ARHGAP26: variants seen among roughly 807,000 people sequenced by gnomAD.
ARHGAP26 encodes Rho GTPase activating protein 26, also known as rho GTPase-activating protein 26.
ARHGAP26 carries 38 observed loss-of-function variants against 104.8 expected under a neutral mutation model. The ratio of observed to expected loss-of-function variants is 0.36; its 90% CI spans 0.28 to 0.48. The LOEUF (loss-of-function observed/expected upper bound fraction) is 0.48, where lower values mean the gene tolerates loss of function less well. ARHGAP26 is among the 20% of genes least tolerant of loss of function. ARHGAP26 has a pLI of 0.99. For missense variants in ARHGAP26, 704 were observed against 947.9 expected, an observed-to-expected ratio of 0.74 and a Z score of 3.38; for synonymous variants, 341 against 340.0, an observed-to-expected ratio of 1.00 and a Z score of -0.03.
chr5:142,899,202 T>A (rs1037994145), intron 6 of ARHGAP26, among the ~76,000 whole-genome samples: 1 of 152,204 alleles, frequency 6.6e-6, no homozygotes, highest in African/African-American at 2.4e-5. Flanking sequence ...TGATTACCCA[T>A]GTAAAGACCC....
At chr5:142,995,689 T>A (rs1776272782) in intron 11 of ARHGAP26, among the ~76,000 whole-genome samples, 1 of 152,196 alleles carries the variant, frequency 6.6e-6, no homozygotes, top group South Asian at 2.1e-4. Context: ...TACAAATCAT[T>A]CTACTATAAA....
intron 3 of ARHGAP26, among the ~76,000 whole-genome samples, chr5:142,876,398 T>C (rs906038694): frequency 2.6e-5 from 4 of 152,114 alleles, no homozygotes; most frequent in Admixed American, 2.6e-4. Flanking sequence ...TTTACAGAGG[T>C]TAAGTAACTT....
At chr5:143,186,685 T>C (rs563271126) in intron 20 of ARHGAP26, among the ~76,000 whole-genome samples, 2 of 152,328 alleles carry the variant, frequency 1.3e-5, no homozygotes, top group African/African-American at 4.8e-5. Context: ...GGTAATTTGA[T>C]ACCTGTGGAC....
chr5:143,007,988 T>C (rs925784082), intron 11 of ARHGAP26, among the ~76,000 whole-genome samples: 7 of 152,340 alleles, frequency 4.6e-5, no homozygotes, highest in Admixed American at 4.6e-4. Context: ...CCTTAGCCAT[T>C]TATCCCATAG....
intron 17 of ARHGAP26, among the ~76,000 whole-genome samples, chr5:143,060,842 C>A (rs1412795849): frequency 2.6e-5 from 4 of 151,794 alleles, no homozygotes; most frequent in Admixed American, 6.6e-5. Flanking sequence ...GAGAATGGGC[C>A]ATATGCAAGG....
chr5:143,057,858 G>A, intron 17 of ARHGAP26, 111 bp downstream of exon 17: 1 of 897,002 alleles, frequency 1.1e-6, no homozygotes. Context: ...ATTGCATCAG[G>A]TATGCTGGAG....
At chr5:142,872,289 T>C (rs1755432674) in intron 1 of ARHGAP26, among the ~76,000 whole-genome samples, 1 of 152,186 alleles carries the variant, frequency 6.6e-6, no homozygotes, top group Non-Finnish European at 1.5e-5. Context: ...TCACGGATGC[T>C]TTTATTCTAG....
chr5:143,110,757 A>C (rs1018538718), intron 17 of ARHGAP26, among the ~76,000 whole-genome samples: 1 of 152,244 alleles, frequency 6.6e-6, no homozygotes, highest in Non-Finnish European at 1.5e-5. Context: ...GTAATTTTCC[A>C]GGAAGAAAGG....
chr5:143,117,428 T>A (rs1232559525), intron 17 of ARHGAP26, among the ~76,000 whole-genome samples: 1 of 152,122 alleles, frequency 6.6e-6, no homozygotes, highest in African/African-American at 2.4e-5. Flanking sequence ...CATTCTGGAG[T>A]AATGAACATA....
rs1034168826 is a variant in ARHGAP26, at chr5:142,807,714, A to G, written c.154+36799A>G. Among the ~76,000 whole-genome samples the G allele has an allele frequency of 1.2e-4, 18 of 152,302 alleles. 1 individual carries two copies. The South Asian group carries it at 3.5e-3, about 30-fold the overall frequency. The stretch of plus-strand genomic sequence containing the variant: ...AACCCTGGCTCCTAAGCCTGAGGAC[A>G]GGATGTGAGTGCCTGCCCTGGTGCT... On this transcript the variant is annotated intron_variant, in intron 1 of 22. Transcript: ENST00000645722.
intron 11 of ARHGAP26, among the ~76,000 whole-genome samples, chr5:142,948,267 G>T (rs1204212751): frequency 6.6e-6 from 1 of 152,030 alleles, no homozygotes; most frequent in East Asian, 1.9e-4. Flanking sequence ...ATCAGGAATT[G>T]GTTGGGAAGT....
At chr5:143,105,378 A>T (rs1474435843) in intron 17 of ARHGAP26, among the ~76,000 whole-genome samples, 2 of 140,464 alleles carry the variant, frequency 1.4e-5, no homozygotes, top group Admixed American at 7.2e-5. Context: ...CTCCATCTCA[A>T]AAATAAATAA....
intron 12 of ARHGAP26, among the ~76,000 whole-genome samples, chr5:143,017,134 G>T (rs752384747): frequency 6.6e-6 from 1 of 152,136 alleles, no homozygotes; most frequent in Non-Finnish European, 1.5e-5. Context: ...CAAATGTCCG[G>T]CATTTTCTTT....
chr5:142,853,775 G>A (rs2152275028), intron 1 of ARHGAP26, among the ~76,000 whole-genome samples: 1 of 152,290 alleles, frequency 6.6e-6, no homozygotes, highest in East Asian at 1.9e-4. Context: ...TGTGTAGGCA[G>A]CACTTACCTT....
At chr5:143,216,794 G>A (rs528422542) in intron 22 of ARHGAP26, 3 of 153,756 alleles carry the variant, frequency 2.0e-5, no homozygotes, top group African/African-American at 7.2e-5. Flanking sequence ...ACACCTCTCA[G>A]TGTTGACTGA....
chr5:142,945,872 T>A (rs1411260635), intron 11 of ARHGAP26, among the ~76,000 whole-genome samples: 1 of 152,198 alleles, frequency 6.6e-6, no homozygotes, highest in African/African-American at 2.4e-5. Flanking sequence ...ATATATATAT[T>A]TTTCTGGTCC....
chr5:142,842,115 T>A (rs1770925710), intron 1 of ARHGAP26, among the ~76,000 whole-genome samples: 1 of 152,248 alleles, frequency 6.6e-6, no homozygotes. Context: ...TTTGTGTTAA[T>A]GGGTTGGTTC....
chr5:143,176,422 G>A (rs897203060), intron 20 of ARHGAP26, among the ~76,000 whole-genome samples: 5 of 152,134 alleles, frequency 3.3e-5, no homozygotes, highest in African/African-American at 9.7e-5. Flanking sequence ...CTTGGCAGGC[G>A]AACCCTTTGG....
chr5:143,083,659 C>T (rs772905242), intron 17 of ARHGAP26, among the ~76,000 whole-genome samples: 28 of 152,022 alleles, frequency 1.8e-4, no homozygotes, highest in Non-Finnish European at 3.2e-4. Context: ...CCACTACACC[C>T]GGCTAATTTT....
Sources: gnomAD v4.1 joint callset for allele counts (sites outside exome capture counted in the v4.1 genomes callset) on GRCh38, gnomAD v4.1.1 for gene constraint, MANE v1.5 for transcripts, NCBI Gene and HGNC (gene_info 2026-07-23, HGNC 2026-07-21) for gene names.